The following NRXN3 variants were observed in gnomAD, a reference collection of about 807,000 sequenced individuals.
NRXN3 encodes neurexin III.
A neutral mutation model predicts 137.6 loss-of-function variants in NRXN3; 32 were observed. The ratio of observed to expected loss-of-function variants is 0.23; its 90% CI spans 0.18 to 0.31. The LOEUF is 0.31. NRXN3 is among the 10% of genes least tolerant of loss of function. NRXN3 has a pLI of 1.00. For missense variants in NRXN3, 1,574 were observed against 2,062.5 expected (o/e 0.76, Z 4.59); for synonymous variants, 798 against 784.5 (o/e 1.02, Z -0.29).
At chr14:78,241,744 G>C (rs900014750) in intron 1 of NRXN3, among the ~76,000 whole-genome samples, 4 of 151,928 alleles carry the variant, frequency 2.6e-5, no homozygotes, top group African/African-American at 9.7e-5. Flanking sequence ...AGCTCAAATA[G>C]GTTAAGAAAT....
intron 16 of NRXN3, among the ~76,000 whole-genome samples, chr14:79,536,629 G>T (rs2097213717): frequency 6.6e-6 from 1 of 151,734 alleles, no homozygotes; most frequent in South Asian, 2.1e-4. Context: ...TCCCCAGCAG[G>T]CCCCAGTGAG....
In NRXN3 at chr14:79,095,903, A is replaced by G. The variant is rs533192755; in HGVS notation, c.3262+107762A>G. On this transcript the variant is annotated intron_variant, in intron 15 of 20. Coordinates refer to ENST00000335750, the MANE Select transcript of NRXN3 (RefSeq NM_001330195.2). ...GAAACCTATATATGAGTATTTTGTTATAAAAATTCATGTGCATTTGAACAA... is the reference window on the plus strand; with the variant it reads ...GAAACCTATATATGAGTATTTTGTTGTAAAAATTCATGTGCATTTGAACAA... Among the ~76,000 whole-genome samples, 5 of 152,192 alleles carry G rather than the reference A, an allele frequency of 3.3e-5. No homozygotes were observed. In the South Asian group the frequency reaches 1.0e-3, roughly 32 times the overall value.
At chr14:78,676,240 A>G (rs923471329) in intron 6 of NRXN3, among the ~76,000 whole-genome samples, 1 of 152,206 alleles carries the variant, frequency 6.6e-6, no homozygotes, top group African/African-American at 2.4e-5. Flanking sequence ...ATCTAAAGTT[A>G]AGATAGGCTG....
chr14:79,812,697 A>G (rs1474037386), intron 20 of NRXN3, among the ~76,000 whole-genome samples: 1 of 152,200 alleles, frequency 6.6e-6, no homozygotes, highest in African/African-American at 2.4e-5. Flanking sequence ...TAAAGAAAAA[A>G]AGCAACACTC....
intron 4 of NRXN3, among the ~76,000 whole-genome samples, chr14:78,383,401 A>G (rs745983822): frequency 5.9e-5 from 9 of 152,196 alleles, no homozygotes; most frequent in Non-Finnish European, 1.3e-4. Context: ...CATGGTGACT[A>G]CAATGGTTTC....
At chr14:78,921,872 T>G (rs1175687818) in intron 10 of NRXN3, among the ~76,000 whole-genome samples, 1 of 152,236 alleles carries the variant, frequency 6.6e-6, no homozygotes, top group African/African-American at 2.4e-5. Flanking sequence ...TTAGGAGATT[T>G]GTAGTATGAG....
At chr14:78,767,547 C>T (rs150267236) in intron 8 of NRXN3, among the ~76,000 whole-genome samples, 2 of 152,250 alleles carry the variant, frequency 1.3e-5, no homozygotes, top group Non-Finnish European at 2.9e-5. Context: ...TGTCGCAGAG[C>T]GCCCTCTTGT....
chr14:79,561,058 G>T (rs1025703787), intron 16 of NRXN3, among the ~76,000 whole-genome samples: 3 of 152,110 alleles, frequency 2.0e-5, no homozygotes, highest in African/African-American at 7.2e-5. Flanking sequence ...GCCACCATCC[G>T]GCTGGTAATT....
At chr14:78,668,075 C>G (rs551143989) in intron 6 of NRXN3, among the ~76,000 whole-genome samples, 1 of 152,116 alleles carries the variant, frequency 6.6e-6, no homozygotes. Context: ...CGTGAGCCAC[C>G]GCGCCTGACC....
intron 15 of NRXN3, among the ~76,000 whole-genome samples, chr14:79,016,099 G>T (rs2099578744): frequency 6.6e-6 from 1 of 152,112 alleles, no homozygotes; most frequent in Admixed American, 6.5e-5. Flanking sequence ...CTTTCTGCCT[G>T]ATGTAGCAGC....
intron 15 of NRXN3, among the ~76,000 whole-genome samples, chr14:79,138,612 G>A (rs2058489738): frequency 6.6e-6 from 1 of 152,224 alleles, no homozygotes; most frequent in Non-Finnish European, 1.5e-5. Context: ...ACCAAGGCCT[G>A]ACCAAAGTCA....
intron 4 of NRXN3, among the ~76,000 whole-genome samples, 155 bp from the exon 5 acceptor site, chr14:78,644,965 C>A (rs922305045): frequency 6.6e-6 from 1 of 152,158 alleles, no homozygotes; most frequent in Non-Finnish European, 1.5e-5. Context: ...CCTGGTGTTT[C>A]GATATAGGAC....
intron 15 of NRXN3, among the ~76,000 whole-genome samples, chr14:79,276,590 C>T (rs1471173100): frequency 1.3e-5 from 2 of 151,804 alleles, no homozygotes; most frequent in Non-Finnish European, 2.9e-5. Flanking sequence ...AGATTTTGTA[C>T]TGCATTAAGG....
rs185412438 is a variant in NRXN3 at position 79,357,182 on chromosome 14, A to G, written c.3263-110039A>G. Among the ~76,000 whole-genome samples, 24 of 152,234 alleles carry G rather than the reference A, an allele frequency of 1.6e-4. 1 individual carries two copies. In the East Asian group the frequency reaches 4.7e-3, roughly 30 times the overall value. On this transcript the variant is annotated intron_variant, in intron 15 of 20. Coordinates refer to ENST00000335750, the MANE Select transcript of NRXN3 (RefSeq NM_001330195.2). ...TGGGATATTATAAATATTTGTATGA[A>G]GTAATACAAGAGACATTTCAACAGA... is the stretch of plus-strand genomic sequence containing the variant.
chr14:78,202,486 T>C lies in NRXN3; in HGVS notation c.-704+31812T>C, dbSNP rs578207241. Reference sequence around the variant, plus strand: ...CCGGGGGCCTTCCCTGAAGGTCACCTGTCAGGGCTGTAAAGTCAGGGGATG... The same window carrying C: ...CCGGGGGCCTTCCCTGAAGGTCACCCGTCAGGGCTGTAAAGTCAGGGGATG... On this transcript the variant is annotated intron_variant, in intron 1 of 20. Coordinates refer to ENST00000335750, the MANE Select transcript of NRXN3 (RefSeq NM_001330195.2). Among the ~76,000 whole-genome samples, 19 of 152,322 alleles carry C rather than the reference T, an allele frequency of 1.2e-4. No homozygotes were observed. The East Asian group carries it at 2.3e-3, about 19-fold the overall frequency.
At chr14:79,108,187 A>G (rs1464261072) in intron 15 of NRXN3, among the ~76,000 whole-genome samples, 1 of 152,168 alleles carries the variant, frequency 6.6e-6, no homozygotes, top group Non-Finnish European at 1.5e-5. Context: ...GGGTTAGAAG[A>G]CAATGTAAGG....
At chr14:79,021,451 T>C (rs1375944384) in intron 15 of NRXN3, among the ~76,000 whole-genome samples, 2 of 152,180 alleles carry the variant, frequency 1.3e-5, no homozygotes, top group African/African-American at 4.8e-5. Context: ...ATTAATTTCA[T>C]TTTACTTCTT....
At chr14:79,279,573 C>T in intron 15 of NRXN3, 5 of 986,462 alleles carry the variant, frequency 5.1e-6, no homozygotes, top group Non-Finnish European at 6.0e-6. Context: ...CTCTTTCCCT[C>T]CAGTCCTTCT....
At chr14:78,744,604 G>A (rs2098598655) in intron 8 of NRXN3, 1 of 152,222 alleles carries the variant, frequency 6.6e-6, no homozygotes, top group Non-Finnish European at 1.5e-5. Context: ...TTTTAGGCTT[G>A]AGGAGGTTGT....
Sources: gnomAD v4.1 joint callset for allele counts (sites outside exome capture counted in the v4.1 genomes callset) on GRCh38, gnomAD v4.1.1 for gene constraint, MANE v1.5 for transcripts, NCBI Gene and HGNC (gene_info 2026-07-23, HGNC 2026-07-21) for gene names.